Variants in TMEM236 observed in about 807,000 individuals in gnomAD.
The protein encoded by TMEM236 is transmembrane protein 236.
Under a neutral mutation model 14.7 loss-of-function variants are expected in TMEM236, and 11 were observed. The ratio of observed to expected loss-of-function variants is 0.75; its 90% CI spans 0.47 to 1.24. TMEM236 has a LOEUF of 1.24. Among genes scored for constraint, TMEM236 ranks in the 50% most tolerant of loss-of-function variants. TMEM236 has a pLI of 0.00. For missense variants in TMEM236, 464 were observed against 427.3 expected (o/e 1.09, Z -0.76); for synonymous variants, 182 against 168.6 (o/e 1.08, Z -0.62).
In TMEM236 at chr10:17,754,381, C is replaced by T. The variant is rs1031499134; in HGVS notation, c.257+1829C>T. ...TGTTGCCCAGGTTGGAGTGCAGTGG[C>T]GTGATCATTGCTCACAGCAGCCTCA... On this transcript the variant is annotated intron_variant, in intron 1 of 3. Transcript: ENST00000377495. 2.1e-4 allele frequency among the ~76,000 whole-genome samples: 32 copies of T among 152,170 alleles called. No individual in the cohort carries two copies. In the East Asian group the frequency reaches 4.8e-3, roughly 23 times the overall value.
At chr10:17,768,727 ATG>A (rs570319904) in intron 1 of TMEM236, among the ~76,000 whole-genome samples, 7,277 of 143,878 alleles carry the variant, frequency 0.051, 441 homozygotes, top group African/African-American at 0.15. Context: ...TATACAACTC[ATG>A]TGTGTGTGTG....
rs1010598934 is a variant in TMEM236, at chr10:17,787,151, C to T, written c.473-8770C>T. Among the ~76,000 whole-genome samples, 976 of 152,318 alleles carry T rather than the reference C, an allele frequency of 6.4e-3. 7 individuals are homozygous for T. Among genetic ancestry groups the T allele is most frequent in the African/African-American group, 0.023 (938 of 41,562 alleles). ...CTTCCCCCTGCCTGGTGACCCCTGA[C>T]GCTACTGGTGCCTGGATGGTCTCTG... On this transcript the variant is annotated intron_variant, in intron 3 of 3. Coordinates refer to ENST00000377495, the MANE Select transcript of TMEM236 (RefSeq NM_001098844.3).
chr10:17,790,060 G>GAAAAA (rs1184692938), intron 3 of TMEM236, among the ~76,000 whole-genome samples: 1 of 151,314 alleles, frequency 6.6e-6, no homozygotes, highest in African/African-American at 2.4e-5. Flanking sequence ...AACAAAAAAC[G>GAAAAA]AACAAAACAA....
rs998943534 is a variant in TMEM236, at chr10:17,788,777, A to C, written c.473-7144A>C. On this transcript the variant is annotated intron_variant, in intron 3 of 3. Coordinates refer to ENST00000377495, the MANE Select transcript of TMEM236 (RefSeq NM_001098844.3). ...ATGGGATCTTAGGGTTTTTGAATTT[A>C]CTGGACAACAATCTCATGCTTTCTG... 9.8e-5 allele frequency among the ~76,000 whole-genome samples: 15 copies of C among 152,328 alleles called. No individual in the cohort carries two copies. In the East Asian group the frequency reaches 2.1e-3, roughly 22 times the overall value.
intron 3 of TMEM236, among the ~76,000 whole-genome samples, chr10:17,791,836 C>A (rs1837930331): frequency 6.6e-6 from 1 of 152,134 alleles, no homozygotes; most frequent in African/African-American, 2.4e-5. Context: ...TAAAGCCCAG[C>A]CACCATTTAT....
chr10:17,758,869 A>G (rs1303382822), intron 1 of TMEM236, among the ~76,000 whole-genome samples: 1 of 152,346 alleles, frequency 6.6e-6, no homozygotes, highest in East Asian at 1.9e-4. Context: ...TTACATTAAC[A>G]GAGGTATTAT....
chr10:17,772,689 C>G (rs2131750347), intron 2 of TMEM236, among the ~76,000 whole-genome samples: 1 of 152,276 alleles, frequency 6.6e-6, no homozygotes, highest in East Asian at 1.9e-4. Flanking sequence ...ACAAAGCAAC[C>G]CCCTGGGTAA....
chr10:17,779,558 G>GGAATTAGC (rs1837714799), intron 3 of TMEM236, among the ~76,000 whole-genome samples: 8 of 152,174 alleles, frequency 5.3e-5, no homozygotes, highest in African/African-American at 1.9e-4. Context: ...ATACAGGAGG[G>GGAATTAGC]CACCACCATG....
Position 17,798,068 on chromosome 10 carries a change from C to CTGTCAGA in TMEM236, c.*1564_*1565insTGTCAGA, listed in dbSNP as rs1838045327. On this transcript the variant is annotated 3_prime_UTR_variant, in exon 4 of 4. Transcript: ENST00000377495. ...ACAGAGTCATGCAACTTGCTTTCAC[C>CTGTCAGA]CTGTTGGGACACTCTGAACAGTCAG... 6.3e-6 allele frequency: 1 copy of CTGTCAGA among 157,986 alleles called. No individual in the cohort carries two copies. The highest frequency in any genetic ancestry group is 1.4e-5 in the Non-Finnish European group (1 of 71,248). 9.8% of individuals were successfully genotyped at this position (157,986 alleles called of 1,614,324 possible). A position where few individuals can be genotyped will look rare whatever the true frequency, so the allele number is the denominator to read the frequency against.
At position 17,799,784 on chromosome 10, in the gene TMEM236, G is replaced by C. The variant is rs1203533023; in HGVS notation, c.*3280G>C. ...AACTCAAAAGTATTACTTGAGTTTA[G>C]AATGCATTTTGTATCTAATATTTTA... On this transcript the variant is annotated 3_prime_UTR_variant, in exon 4 of 4. Coordinates refer to ENST00000377495, the MANE Select transcript of TMEM236 (RefSeq NM_001098844.3). 1 of 152,468 alleles carries C rather than the reference G, an allele frequency of 6.6e-6. No homozygotes were observed. The highest frequency in any genetic ancestry group is 6.6e-5 in the Admixed American group (1 of 15,246). The allele number at this position is 152,468 out of a possible 1,614,324, so 9.4% of individuals were successfully genotyped here.
intron 3 of TMEM236, among the ~76,000 whole-genome samples, chr10:17,794,174 ATTAG>A (rs1418389241): frequency 1.3e-5 from 2 of 152,224 alleles, no homozygotes; most frequent in Non-Finnish European, 2.9e-5. Flanking sequence ...TAAGCATTTT[ATTAG>A]TTATTCATAA....
Position 17,753,392 on chromosome 10 carries a change from C to T in TMEM236, c.257+840C>T, listed in dbSNP as rs964061189. ...TATTAGTTGTTTTTCCTGATCCTCT[C>T]CCTCCCACCGTTCACCCTCTGGAAG... On this transcript the variant is annotated intron_variant, in intron 1 of 3. Coordinates refer to ENST00000377495, the MANE Select transcript of TMEM236 (RefSeq NM_001098844.3). Among the ~76,000 whole-genome samples, 485 of 152,268 alleles carry T rather than the reference C, an allele frequency of 3.2e-3. 2 individuals carry two copies. The highest frequency in any genetic ancestry group is 0.01 in the African/African-American group (434 of 41,558).
intron 1 of TMEM236, among the ~76,000 whole-genome samples, chr10:17,765,926 C>T (rs953454156): frequency 1.3e-5 from 2 of 152,206 alleles, no homozygotes; most frequent in African/African-American, 2.4e-5. Flanking sequence ...TCCATCAACC[C>T]ATTTTCTCCC....
intron 3 of TMEM236, among the ~76,000 whole-genome samples, chr10:17,784,525 C>G (rs1277003351): frequency 6.6e-6 from 1 of 152,142 alleles, no homozygotes; most frequent in Non-Finnish European, 1.5e-5. Context: ...TAATTAAGAG[C>G]AGTGCTTCTC....
At chr10:17,759,713 G>A (rs1018953896) in intron 1 of TMEM236, among the ~76,000 whole-genome samples, 1,633 of 152,186 alleles carry the variant, frequency 0.011, 30 homozygotes, top group African/African-American at 0.036. Context: ...GAAATGAGGA[G>A]ATTGAGGCAC....
intron 2 of TMEM236, among the ~76,000 whole-genome samples, chr10:17,774,964 A>T (rs1247719585): frequency 2.6e-5 from 4 of 151,710 alleles, no homozygotes; most frequent in African/African-American, 9.7e-5. Flanking sequence ...TGCCTGGCTA[A>T]TTTTTTTTGT....
chr10:17,766,049 CT>C (rs1837457350), intron 1 of TMEM236, among the ~76,000 whole-genome samples: 2 of 152,326 alleles, frequency 1.3e-5, no homozygotes, highest in South Asian at 4.1e-4. Flanking sequence ...AAACCACAGC[CT>C]TGGTGTTCTC....
chr10:17,753,743 T>C (rs1837243555), intron 1 of TMEM236, among the ~76,000 whole-genome samples: 2 of 152,250 alleles, frequency 1.3e-5, no homozygotes, highest in Non-Finnish European at 2.9e-5. Context: ...GAATGATTTA[T>C]ATTCCTTTGG....
chr10:17,794,586 C>G (rs1004040294), intron 3 of TMEM236, among the ~76,000 whole-genome samples: 22 of 152,306 alleles, frequency 1.4e-4, no homozygotes, highest in Non-Finnish European at 3.1e-4. Context: ...ATCACGTGCC[C>G]TATTCATTCA....
Sources: allele counts gnomAD v4.1 joint callset (sites outside exome capture counted in the v4.1 genomes callset), GRCh38; gene constraint gnomAD v4.1.1; transcripts MANE v1.5; gene names NCBI Gene and HGNC (gene_info 2026-07-23, HGNC 2026-07-21).